Variants in AUTS2 observed in about 807,000 individuals in gnomAD.
The protein encoded by AUTS2 is autism susceptibility gene 2 protein.
AUTS2 carries 17 observed loss-of-function variants against 112.4 expected under a neutral mutation model. The ratio of observed to expected loss-of-function variants is 0.15; its 90% CI spans 0.10 to 0.23. The LOEUF (loss-of-function observed/expected upper bound fraction) is 0.23. AUTS2 is among the 10% of genes least tolerant of loss of function. The pLI, the probability that AUTS2 is intolerant of heterozygous loss-of-function variation, is 1.00. For synonymous variants in AUTS2, 751 were observed against 702.7 expected (o/e 1.07, Z -1.09); for missense variants, 1,510 against 1,701.6 (o/e 0.89, Z 1.98).
At chr7:69,782,808 C>CT (rs1019257079) in intron 1 of AUTS2, among the ~76,000 whole-genome samples, 1 of 152,148 alleles carries the variant, frequency 6.6e-6, no homozygotes, top group African/African-American at 2.4e-5. Flanking sequence ...AGTTCTCATG[C>CT]TTTGGCCTTG....
At position 70,763,338 on chromosome 7, in the gene AUTS2, T is replaced by C; in HGVS notation, c.1211T>C (p.Leu404Ser). ...YNSSSLSLNSLSSSRSSTPAK... is the reference protein window; with the variant it reads ...YNSSSLSLNSSSSSRSSTPAK... The stretch of plus-strand genomic sequence containing the variant: ...AGCAGTAGCTTAAGCCTCAACAGTT[T>C]AAGGTGAGTGGCCTGCTCTTCTTTG... Residue 404 changes from leucine (L) to serine (S), a missense_variant, in exon 7 of 19, where the codon TTA (leucine) becomes TCA (serine). By Grantham distance (145) the Leu-to-Ser change is moderately radical. Transcript: ENST00000342771. 6.4e-7 allele frequency: 1 copy of C among 1,553,360 alleles called. No individual in the cohort carries two copies. The highest frequency in any genetic ancestry group is 8.7e-7 in the Non-Finnish European group (1 of 1,148,370).
At chr7:70,457,014 A>C (rs1396791166) in intron 5 of AUTS2, among the ~76,000 whole-genome samples, 1 of 152,210 alleles carries the variant, frequency 6.6e-6, no homozygotes, top group Non-Finnish European at 1.5e-5. Context: ...GTGCTTGATC[A>C]GGACTGTTTA....
At chr7:70,517,714 A>G (rs1001924736) in intron 5 of AUTS2, among the ~76,000 whole-genome samples, 1 of 151,788 alleles carries the variant, frequency 6.6e-6, no homozygotes, top group African/African-American at 2.4e-5. Context: ...ATACACATAC[A>G]TAGTTTGCAT....
chr7:70,419,074 G>A (rs1214187856), intron 4 of AUTS2, among the ~76,000 whole-genome samples: 1 of 152,046 alleles, frequency 6.6e-6, no homozygotes, highest in Non-Finnish European at 1.5e-5. Context: ...ACTCACCCAA[G>A]GTCACTTCAG....
At chr7:70,051,428 C>T (rs1182856834) in intron 2 of AUTS2, among the ~76,000 whole-genome samples, 4 of 152,076 alleles carry the variant, frequency 2.6e-5, no homozygotes, top group Non-Finnish European at 5.9e-5. Context: ...TAAAAATTCA[C>T]TTGTGGGGCT....
intron 2 of AUTS2, among the ~76,000 whole-genome samples, chr7:69,921,327 GTTTTTTT>G (rs11289784): frequency 3.3e-5 from 3 of 90,406 alleles, no homozygotes; most frequent in South Asian, 9.9e-4. Flanking sequence ...TAGACTTGAA[GTTTTTTT>G]TTTTTTTTTT....
chr7:70,457,196 C>G (rs1796775772), intron 5 of AUTS2, among the ~76,000 whole-genome samples: 1 of 152,176 alleles, frequency 6.6e-6, no homozygotes, highest in Non-Finnish European at 1.5e-5. Flanking sequence ...ACTACAATAA[C>G]TGACCGGGGC....
intron 4 of AUTS2, among the ~76,000 whole-genome samples, chr7:70,335,963 C>G (rs1243731949): frequency 6.6e-6 from 1 of 152,168 alleles, no homozygotes; most frequent in Non-Finnish European, 1.5e-5. Flanking sequence ...ACAGCTCACA[C>G]AATTCTTTAA....
At position 70,132,109 on chromosome 7, in the gene AUTS2, CAT is replaced by C. The variant is rs542505010; in HGVS notation, c.625-2426_625-2425del. Among the ~76,000 whole-genome samples, 648 of 143,326 alleles carry C rather than the reference CAT, an allele frequency of 4.5e-3. 4 individuals are homozygous for C. Among genetic ancestry groups the C allele is most frequent in the Non-Finnish European group, 7.4e-3 (493 of 66,434 alleles). 94.0% of individuals were successfully genotyped at this position (143,326 alleles called of 152,430 possible). On this transcript the variant is annotated intron_variant, in intron 3 of 18. Coordinates refer to ENST00000342771, the MANE Select transcript of AUTS2 (RefSeq NM_015570.4). ...TCGATCACAAGAGGGTTTTTCTACACATGTGTTTTCTGCTGATCCTGAAATCA... is the reference window on the plus strand; with the variant it reads ...TCGATCACAAGAGGGTTTTTCTACACGTGTTTTCTGCTGATCCTGAAATCA...
At chr7:70,230,274 G>T (rs1811979523) in intron 4 of AUTS2, among the ~76,000 whole-genome samples, 1 of 151,852 alleles carries the variant, frequency 6.6e-6, no homozygotes, top group African/African-American at 2.4e-5. Context: ...GCTTGTTTTG[G>T]GTTTATTACT....
chr7:70,452,211 A>G (rs1348380402), intron 5 of AUTS2, among the ~76,000 whole-genome samples: 1 of 152,196 alleles, frequency 6.6e-6, no homozygotes, highest in African/African-American at 2.4e-5. Flanking sequence ...CAGGTCAGGC[A>G]CTGTGACTCA....
chr7:69,730,025 C>G (rs1463557218), intron 1 of AUTS2, among the ~76,000 whole-genome samples: 1 of 71,748 alleles, frequency 1.4e-5, no homozygotes, highest in Non-Finnish European at 2.4e-5. Context: ...TTTTTAGAAA[C>G]TAGGTCTTCC....
chr7:70,235,607 A>G (rs1367568459), intron 4 of AUTS2, among the ~76,000 whole-genome samples: 1 of 151,874 alleles, frequency 6.6e-6, no homozygotes, highest in African/African-American at 2.4e-5. Flanking sequence ...ATAGATATGA[A>G]AGCAGGATAC....
intron 1 of AUTS2, among the ~76,000 whole-genome samples, chr7:69,822,593 G>A (rs1386704798): frequency 1.3e-5 from 2 of 152,212 alleles, no homozygotes; most frequent in Admixed American, 6.5e-5. Flanking sequence ...AGTGTTGACT[G>A]CTGGGAGGTG....
At chr7:70,544,732 G>A (rs1448756061) in intron 5 of AUTS2, among the ~76,000 whole-genome samples, 1 of 152,208 alleles carries the variant, frequency 6.6e-6, no homozygotes, top group Non-Finnish European at 1.5e-5. Context: ...TGGGGCTTCA[G>A]TGTGATAAAG....
chr7:69,764,061 T>G (rs1160435783), intron 1 of AUTS2, among the ~76,000 whole-genome samples: 1 of 152,200 alleles, frequency 6.6e-6, no homozygotes, highest in Non-Finnish European at 1.5e-5. Flanking sequence ...TCTTAACTGG[T>G]GAAGCTGCCA....
chr7:69,623,301 C>T (rs950611671), intron 1 of AUTS2, among the ~76,000 whole-genome samples: 1 of 151,426 alleles, frequency 6.6e-6, no homozygotes, highest in Non-Finnish European at 1.5e-5. Context: ...TGACTCACTG[C>T]AGTCTCAAAC....
chr7:70,212,195 G>GAATA (rs1810943122), intron 4 of AUTS2, among the ~76,000 whole-genome samples: 1 of 152,154 alleles, frequency 6.6e-6, no homozygotes, highest in African/African-American at 2.4e-5. Context: ...TAACAAAAGG[G>GAATA]AATAAATTGA....
chr7:70,753,131 C>T (rs1788972179), intron 6 of AUTS2, among the ~76,000 whole-genome samples: 1 of 152,072 alleles, frequency 6.6e-6, no homozygotes. Context: ...AGCAGATTAA[C>T]CCCTATCAGG....
Sources: gnomAD v4.1 joint callset for allele counts (sites outside exome capture counted in the v4.1 genomes callset) on GRCh38, gnomAD v4.1.1 for gene constraint, MANE v1.5 for transcripts, NCBI Gene and HGNC (gene_info 2026-07-23, HGNC 2026-07-21) for gene names.